The following SCN8A variants were observed in gnomAD, a reference collection of about 807,000 sequenced individuals.
SCN8A encodes the protein sodium channel protein type 8 subunit alpha.
Under a neutral mutation model 184.1 loss-of-function variants are expected in SCN8A, and 30 were observed. The ratio of observed to expected loss-of-function variants is 0.16; its 90% CI spans 0.12 to 0.22. The LOEUF (loss-of-function observed/expected upper bound fraction) is 0.22, where lower values mean the gene tolerates loss of function less well. SCN8A is among the 10% of genes least tolerant of loss of function. The pLI is 1.00. For missense variants in SCN8A, 1,057 were observed against 2,498.9 expected (o/e 0.42, Z 12.30); for synonymous variants, 852 against 907.0 (o/e 0.94, Z 1.09).
chr12:51,754,933 G>T lies in SCN8A; in HGVS notation c.2370+3340G>T, dbSNP rs117802804. ...CATTTAATCACTTGATTAAGGAGGT[G>T]TCTGCCAGGCTTTTCATCTGTGAAG... On this transcript the variant is annotated intron_variant, in intron 14 of 26. Transcript: ENST00000627620. Among the ~76,000 whole-genome samples the T allele has an allele frequency of 3.1e-3, 477 of 152,288 alleles. 3 individuals are homozygous for T. The highest frequency in any genetic ancestry group is 5.5e-3 in the Non-Finnish European group (374 of 68,018).
chr12:51,776,831 A>T lies in SCN8A; in HGVS notation c.3819+2469A>T, dbSNP rs147772803. ...GACTTGATGTCTGAGTCTGTTACTC[A>T]TCGCATTTGTTTCCCTAATTGATTT... On this transcript the variant is annotated intron_variant, in intron 20 of 26. Coordinates refer to ENST00000627620, the MANE Select transcript of SCN8A (RefSeq NM_001330260.2). Among the ~76,000 whole-genome samples the T allele has an allele frequency of 6.1e-3, 929 of 152,356 alleles. 5 individuals are homozygous for T. The highest frequency in any genetic ancestry group is 0.011 in the Non-Finnish European group (764 of 68,034).
intron 11 of SCN8A, 116 bp from the exon 12 acceptor site, chr12:51,721,430 A>ATC: frequency 1.9e-6 from 2 of 1,077,068 alleles, no homozygotes; most frequent in East Asian, 5.2e-5. Flanking sequence ...TTGTGTTCTG[A>ATC]TCACAGGAGT....
At chr12:51,721,107 A>AT (rs1555221357) in intron 11 of SCN8A, among the ~76,000 whole-genome samples, 4,720 of 100,682 alleles carry the variant, frequency 0.047, 148 homozygotes, top group Non-Finnish European at 0.062. Context: ...ATATATATAT[A>AT]ATATTTATTT....
chr12:51,734,509 A>G (rs61936282), intron 12 of SCN8A, among the ~76,000 whole-genome samples: 3,690 of 152,354 alleles, frequency 0.024, 54 homozygotes, highest in Non-Finnish European at 0.036. Context: ...CGCTCATGCT[A>G]TTGTTTGTGG....
At position 51,746,064 on chromosome 12, in the gene SCN8A, G is replaced by A. The variant is rs370783899; in HGVS notation, c.2131+29G>A. 9.0e-6 allele frequency: 14 copies of A among 1,556,826 alleles called. No homozygotes were observed. In the African/African-American group the frequency reaches 9.7e-5, roughly 11 times the overall value. On this transcript the variant is annotated intron_variant, in intron 13 of 26. Transcript: ENST00000627620. ...TGTGCCCTATAATGTCAGTCCAACCGCTGAGATATAAATATGTAATGTGCA... is the reference window on the plus strand; with the variant it reads ...TGTGCCCTATAATGTCAGTCCAACCACTGAGATATAAATATGTAATGTGCA...
At chr12:51,688,514 T>A (rs532760745) in intron 5 of SCN8A, among the ~76,000 whole-genome samples, 1 of 152,318 alleles carries the variant, frequency 6.6e-6, no homozygotes, top group African/African-American at 2.4e-5. Flanking sequence ...CCATTCTGAT[T>A]GGGATCAGCA....
chr12:51,647,682 T>C (rs1484412230), intron 1 of SCN8A, among the ~76,000 whole-genome samples: 4 of 152,246 alleles, frequency 2.6e-5, no homozygotes, highest in Non-Finnish European at 5.9e-5. Context: ...TTTATTTCAA[T>C]TTCTAGAACT....
chr12:51,624,368 A>G (rs1218529507), intron 1 of SCN8A, among the ~76,000 whole-genome samples: 9 of 152,154 alleles, frequency 5.9e-5, no homozygotes, highest in Non-Finnish European at 1.0e-4. Context: ...GCCAGTGATG[A>G]TGAGCATTTT....
At chr12:51,642,542 G>C (rs1032689193) in intron 1 of SCN8A, among the ~76,000 whole-genome samples, 1 of 152,110 alleles carries the variant, frequency 6.6e-6, no homozygotes, top group Non-Finnish European at 1.5e-5. Flanking sequence ...GTTCCACTCT[G>C]TTTTTAAACA....
intron 26 of SCN8A, among the ~76,000 whole-genome samples, chr12:51,803,889 A>G (rs1261550504): frequency 6.6e-6 from 1 of 152,214 alleles, no homozygotes; most frequent in Non-Finnish European, 1.5e-5. Flanking sequence ...AACTTACCGC[A>G]TCTTGTCTTT....
In SCN8A at chr12:51,751,382, C is replaced by T. The variant is rs373603736; in HGVS notation, c.2159C>T (p.Pro720Leu). 24 of 1,613,548 alleles carry T rather than the reference C, an allele frequency of 1.5e-5. No homozygotes were observed. Among genetic ancestry groups the T allele is most frequent in the Non-Finnish European group, 1.9e-5 (22 of 1,179,716 alleles). ...CTGGAAGAGTCTCAGAGAAAGTGCC[C>T]GCCATGCTGGTATAAATTTGCCAAC... ...EELEESQRKC[P>L]PCWYKFANTF... is the part of the protein sequence containing the mutation. Residue 720 changes from proline to leucine, a missense_variant, in exon 14 of 27, where the codon CCG becomes CTG. This residue lies in a region of SCN8A where 322 missense variants were observed against 390.1 expected (regional missense o/e 0.83). Coordinates refer to ENST00000627620, the MANE Select transcript of SCN8A (RefSeq NM_001330260.2).
rs997035335 is a variant in SCN8A, at chr12:51,594,724, C to G, written c.-55+3365C>G. ...GGGAAAAAGTCATCCTTAGTTTTACCATCCTTACCATCTTTGCTTCTACCA... is the reference window on the plus strand; with the variant it reads ...GGGAAAAAGTCATCCTTAGTTTTACGATCCTTACCATCTTTGCTTCTACCA... On this transcript the variant is annotated intron_variant, in intron 1 of 26. Coordinates refer to ENST00000627620, the MANE Select transcript of SCN8A (RefSeq NM_001330260.2). 8.5e-5 allele frequency among the ~76,000 whole-genome samples: 13 copies of G among 152,122 alleles called. No individual in the cohort carries two copies. In the South Asian group the frequency reaches 2.3e-3, roughly 27 times the overall value.
intron 11 of SCN8A, chr12:51,712,654 T>C (rs1941898585): frequency 3.7e-6 from 3 of 806,002 alleles, no homozygotes; most frequent in Admixed American, 3.4e-5. Context: ...CAAAATTTCC[T>C]CCTTCATTGT....
chr12:51,593,786 T>C (rs190817621), intron 1 of SCN8A, among the ~76,000 whole-genome samples: 2 of 152,328 alleles, frequency 1.3e-5, no homozygotes, highest in African/African-American at 2.4e-5. Flanking sequence ...CATATTTTAT[T>C]ACTCCCACAT....
intron 13 of SCN8A, among the ~76,000 whole-genome samples, chr12:51,748,792 T>C (rs1942552431): frequency 6.6e-6 from 1 of 152,142 alleles, no homozygotes; most frequent in Non-Finnish European, 1.5e-5. Context: ...GTAACCTTAG[T>C]GAGGGTGGGG....
intron 2 of SCN8A, among the ~76,000 whole-genome samples, chr12:51,679,508 A>G (rs1341741976): frequency 2.6e-5 from 4 of 152,340 alleles, no homozygotes; most frequent in Admixed American, 2.0e-4. Context: ...GTCTATGGCT[A>G]CTTTTACACC....
intron 2 of SCN8A, among the ~76,000 whole-genome samples, chr12:51,679,506 C>G (rs933990339): frequency 2.0e-5 from 3 of 152,162 alleles, no homozygotes; most frequent in Non-Finnish European, 4.4e-5. Flanking sequence ...TTGTCTATGG[C>G]TACTTTTACA....
At chr12:51,658,793 A>G (rs1940872553) in intron 1 of SCN8A, among the ~76,000 whole-genome samples, 2 of 152,120 alleles carry the variant, frequency 1.3e-5, no homozygotes, top group Admixed American at 1.3e-4. Context: ...TGTTATGTAA[A>G]TTTCATCCCA....
At chr12:51,755,215 C>T (rs1034168873) in intron 14 of SCN8A, among the ~76,000 whole-genome samples, 3 of 152,116 alleles carry the variant, frequency 2.0e-5, no homozygotes, top group Admixed American at 6.5e-5. Context: ...TGAGGAAGAC[C>T]ATTTGAAACG....
Sources: gnomAD v4.1 joint callset for allele counts (sites outside exome capture counted in the v4.1 genomes callset) on GRCh38, gnomAD v4.1.1 for gene constraint, gnomAD v4.1.1 regional missense constraint, MANE v1.5 for transcripts, NCBI Gene and HGNC (gene_info 2026-07-23, HGNC 2026-07-21) for gene names.